Variants in SLC35A1 observed in about 807,000 individuals in gnomAD.
SLC35A1 encodes solute carrier family 35 member A1.
A neutral mutation model predicts 40.3 loss-of-function variants in SLC35A1; 21 were observed. That is an observed-to-expected ratio of 0.52 (90% CI 0.37 to 0.75). The LOEUF (loss-of-function observed/expected upper bound fraction) is 0.75. Among genes scored for constraint, SLC35A1 ranks in the 30% least tolerant of loss-of-function variants. The pLI is 0.00. For synonymous variants in SLC35A1, 146 were observed against 147.3 expected, an observed-to-expected ratio of 0.99 and a Z score of 0.06; for missense variants, 297 against 382.1, an observed-to-expected ratio of 0.78 and a Z score of 1.86.
chr6:87,503,196 G>A (rs980392244), intron 4 of SLC35A1, among the ~76,000 whole-genome samples: 1 of 152,116 alleles, frequency 6.6e-6, no homozygotes, highest in Non-Finnish European at 1.5e-5. Flanking sequence ...ATCTCTCATA[G>A]TTTTTATGGG....
At chr6:87,504,548 T>C (rs1770022304) in intron 4 of SLC35A1, among the ~76,000 whole-genome samples, 1 of 152,196 alleles carries the variant, frequency 6.6e-6, no homozygotes. Context: ...TCACGAGCCA[T>C]GGAATTCTAA....
intron 2 of SLC35A1, among the ~76,000 whole-genome samples, chr6:87,487,140 C>T (rs908086700): frequency 5.3e-5 from 8 of 152,008 alleles, no homozygotes; most frequent in African/African-American, 1.9e-4. Context: ...CACACCACTG[C>T]ACTCCAGCCT....
At chr6:87,482,513 A>AG (rs1266348487) in intron 2 of SLC35A1, among the ~76,000 whole-genome samples, 1 of 152,216 alleles carries the variant, frequency 6.6e-6, no homozygotes, top group East Asian at 1.9e-4. Flanking sequence ...TTTAAGGCTT[A>AG]GCTGAGTGCA....
intron 1 of SLC35A1, among the ~76,000 whole-genome samples, 183 bp from the exon 2 acceptor site, chr6:87,477,179 G>T (rs983732884): frequency 6.6e-6 from 1 of 152,046 alleles, no homozygotes; most frequent in Non-Finnish European, 1.5e-5. Flanking sequence ...GTGTGTGTGT[G>T]TGTGTGTGTG....
rs11432150 is a variant in SLC35A1, at chr6:87,511,812, TA to T, written c.*294del. The stretch of plus-strand genomic sequence containing the variant: ...AAAAAGTATGGAGATGATACGGTGT[TA>T]AAAAAAATCATGGTAAGGCTACAAT... On this transcript the variant is annotated 3_prime_UTR_variant, in exon 8 of 8. Coordinates refer to ENST00000369552, the MANE Select transcript of SLC35A1 (RefSeq NM_006416.5). The T allele has an allele frequency of 4.0e-5, 16 of 398,322 alleles. No homozygotes were observed. The highest frequency in any genetic ancestry group is 8.0e-4 in the Middle Eastern group (1 of 1,254). The allele number at this position is 398,322 out of a possible 1,614,324, so 24.7% of individuals were successfully genotyped here. A position where few individuals can be genotyped will look rare whatever the true frequency, so the allele number is the denominator to read the frequency against.
chr6:87,506,411 C>T lies in SLC35A1; in HGVS notation c.537C>T (p.Gly179=), dbSNP rs924140286. 4.3e-6 allele frequency: 7 copies of T among 1,613,374 alleles called. No individual in the cohort carries two copies. The African/African-American group carries it at 5.3e-5, about 12-fold the overall frequency. The change falls in exon 5 of 8, where the codon GGC becomes GGT. Residue 179 remains glycine, a synonymous_variant. Transcript: ENST00000369552. ...VVEQNPLLGF[G]AIAIAVLCSG... Reference sequence around the variant, plus strand: ...AACAAAATCCATTATTAGGGTTTGGCGCTATAGCTATTGCTGTATTGTGCT... The same window carrying T: ...AACAAAATCCATTATTAGGGTTTGGTGCTATAGCTATTGCTGTATTGTGCT...
At chr6:87,501,016 C>A in intron 3 of SLC35A1, 142 bp from the exon 4 acceptor site, 1 of 814,964 alleles carries the variant, frequency 1.2e-6, no homozygotes, top group Non-Finnish European at 2.0e-6. Context: ...TCCCAAAGTT[C>A]TGGGATTACA....
intron 2 of SLC35A1, among the ~76,000 whole-genome samples, chr6:87,495,770 C>T (rs563519800): frequency 6.6e-6 from 1 of 152,102 alleles, no homozygotes; most frequent in African/African-American, 2.4e-5. Context: ...ATCCTCCTGC[C>T]TCAGCCTCCC....
At chr6:87,473,163 T>A (rs1768966732) in intron 1 of SLC35A1, 144 bp downstream of exon 1, 2 of 394,368 alleles carry the variant, frequency 5.1e-6, no homozygotes, top group African/African-American at 4.1e-5. Context: ...GGAGTTTGCG[T>A]GGAGCCGCTC....
intron 2 of SLC35A1, among the ~76,000 whole-genome samples, chr6:87,492,996 G>A (rs906518175): frequency 2.0e-5 from 3 of 152,064 alleles, no homozygotes; most frequent in African/African-American, 7.2e-5. Context: ...TTCACCTACT[G>A]GTTTTGTGGT....
At chr6:87,476,828 C>G (rs916097583) in intron 1 of SLC35A1, among the ~76,000 whole-genome samples, 1 of 152,088 alleles carries the variant, frequency 6.6e-6, no homozygotes, top group Non-Finnish European at 1.5e-5. Flanking sequence ...GAGTTAGACA[C>G]CAGCCTGGCC....
chr6:87,487,272 A>G (rs113145437), intron 2 of SLC35A1, among the ~76,000 whole-genome samples: 1,576 of 152,342 alleles, frequency 0.01, 15 homozygotes, highest in Middle Eastern at 0.017. Context: ...TTGAGAATGA[A>G]TTAGAAGTAG....
chr6:87,498,139 A>G (rs1769798742), intron 2 of SLC35A1, among the ~76,000 whole-genome samples: 1 of 152,156 alleles, frequency 6.6e-6, no homozygotes, highest in South Asian at 2.1e-4. Flanking sequence ...AGCATGAAGA[A>G]TCTTACACCA....
chr6:87,481,099 G>A (rs1206155977), intron 2 of SLC35A1, among the ~76,000 whole-genome samples: 1 of 152,208 alleles, frequency 6.6e-6, no homozygotes, highest in East Asian at 1.9e-4. Context: ...TAATTTATGA[G>A]AAACTGATCT....
At chr6:87,488,989 C>T (rs1237086272) in intron 2 of SLC35A1, among the ~76,000 whole-genome samples, 1 of 152,206 alleles carries the variant, frequency 6.6e-6, no homozygotes, top group African/African-American at 2.4e-5. Flanking sequence ...TTTGTTCTTT[C>T]TCTTGCCTTT....
intron 2 of SLC35A1, among the ~76,000 whole-genome samples, chr6:87,492,789 A>G (rs1485735531): frequency 6.6e-6 from 1 of 152,014 alleles, no homozygotes; most frequent in African/African-American, 2.4e-5. Context: ...ACCTCAGGCG[A>G]TGCACCCAGC....
At position 87,498,502 on chromosome 6, in the gene SLC35A1, A is replaced by C. The variant is rs185913174; in HGVS notation, c.195-2006A>C. Among the ~76,000 whole-genome samples, 69 of 152,282 alleles carry C rather than the reference A, an allele frequency of 4.5e-4. 1 individual carries two copies. The highest frequency in any genetic ancestry group is 8.4e-4 in the Non-Finnish European group (57 of 68,018). On this transcript the variant is annotated intron_variant, in intron 2 of 7. Coordinates refer to ENST00000369552, the MANE Select transcript of SLC35A1 (RefSeq NM_006416.5). ...TCTATTTAAGATGTTGGCCAGGTGCAGTGGCTCATGCCTGTAATTCCAGCA... is the reference window on the plus strand; with the variant it reads ...TCTATTTAAGATGTTGGCCAGGTGCCGTGGCTCATGCCTGTAATTCCAGCA...
At chr6:87,492,468 A>G (rs1769582229) in intron 2 of SLC35A1, among the ~76,000 whole-genome samples, 1 of 151,926 alleles carries the variant, frequency 6.6e-6, no homozygotes, top group Non-Finnish European at 1.5e-5. Context: ...ATATCATAGA[A>G]ATGATGCGTC....
intron 2 of SLC35A1, among the ~76,000 whole-genome samples, chr6:87,484,818 G>T (rs1435084988): frequency 6.6e-6 from 1 of 152,148 alleles, no homozygotes; most frequent in East Asian, 1.9e-4. Flanking sequence ...GCAAAGAATT[G>T]AACGTACTGA....
Sources: allele counts gnomAD v4.1 joint callset (sites outside exome capture counted in the v4.1 genomes callset), GRCh38; gene constraint gnomAD v4.1.1; transcripts MANE v1.5; gene names NCBI Gene and HGNC (gene_info 2026-07-23, HGNC 2026-07-21).